Variants in DCTN6 observed in about 807,000 individuals in gnomAD.
DCTN6 encodes the protein dynactin subunit 6, also known as dynactin 6.
Under a neutral mutation model 25.8 loss-of-function variants are expected in DCTN6, and 15 were observed. The ratio of observed to expected loss-of-function variants is 0.58; its 90% CI spans 0.39 to 0.89. The LOEUF (loss-of-function observed/expected upper bound fraction) is 0.89. DCTN6 is among the 40% of genes least tolerant of loss of function. DCTN6 has a pLI of 0.00. For synonymous variants in DCTN6, 64 were observed against 78.3 expected (o/e 0.82, Z 0.96); for missense variants, 198 against 237.6 (o/e 0.83, Z 1.09).
intron 2 of DCTN6, among the ~76,000 whole-genome samples, chr8:30,172,143 T>C (rs1222581880): frequency 6.6e-6 from 1 of 152,192 alleles, no homozygotes; most frequent in Non-Finnish European, 1.5e-5. Flanking sequence ...TTAAAAGAAA[T>C]CCACTGCTCA....
At chr8:30,179,547 GTGT>G in intron 5 of DCTN6, 92 bp downstream of exon 5, 1 of 1,173,684 alleles carries the variant, frequency 8.5e-7, no homozygotes, top group East Asian at 2.6e-5. Flanking sequence ...CTGTGGCAAG[GTGT>G]TGTGCTTGGA....
intron 1 of DCTN6, among the ~76,000 whole-genome samples, chr8:30,157,781 A>G (rs925361045): frequency 1.3e-5 from 2 of 152,144 alleles, no homozygotes; most frequent in African/African-American, 4.8e-5. Flanking sequence ...CCCTCTGCTG[A>G]CTATTTTTGA....
At chr8:30,180,849 T>C in intron 6 of DCTN6, 1 of 579,298 alleles carries the variant, frequency 1.7e-6, no homozygotes, top group Non-Finnish European at 3.0e-6. Flanking sequence ...CTGGGCAACA[T>C]AGTGAGACTC....
At chr8:30,163,699 CTT>C (rs201907906) in intron 1 of DCTN6, among the ~76,000 whole-genome samples, 13 of 137,678 alleles carry the variant, frequency 9.4e-5, no homozygotes, top group East Asian at 4.3e-4. Flanking sequence ...ATTTTTCCAT[CTT>C]TTTTTTTTTT....
rs951734103 is a variant in DCTN6 at position 30,183,412 on chromosome 8, T to G, written c.*239T>G. The G allele has an allele frequency of 1.2e-5, 4 of 324,926 alleles. No individual in the cohort carries two copies. The highest frequency in any genetic ancestry group is 2.2e-5 in the Non-Finnish European group (4 of 178,816). The allele number at this position is 324,926 out of a possible 1,614,324, so 20.1% of individuals were successfully genotyped here. A position where few individuals can be genotyped will look rare whatever the true frequency, so the allele number is the denominator to read the frequency against. ...GATAATTTACAGATTTAGCTTTTCT[T>G]TTGTTATATAAACTGCTAGCCACAA... On this transcript the variant is annotated 3_prime_UTR_variant, in exon 7 of 7. Transcript: ENST00000221114.
intron 1 of DCTN6, among the ~76,000 whole-genome samples, chr8:30,159,380 G>A (rs879458184): frequency 1.3e-5 from 2 of 151,962 alleles, no homozygotes; most frequent in Admixed American, 6.6e-5. Context: ...CACACCAGTA[G>A]GGAAGTTGGT....
At chr8:30,178,419 C>T (rs541460852) in intron 4 of DCTN6, among the ~76,000 whole-genome samples, 23 of 148,876 alleles carry the variant, frequency 1.5e-4, no homozygotes, top group Non-Finnish European at 2.7e-4. Flanking sequence ...GCTGAGATCG[C>T]GCCATTGCAC....
intron 2 of DCTN6, among the ~76,000 whole-genome samples, chr8:30,169,020 G>A (rs571148665): frequency 2.7e-4 from 41 of 152,228 alleles, no homozygotes; most frequent in Non-Finnish European, 5.3e-4. Flanking sequence ...ATTACAGGGC[G>A]AGAGGCCGGG....
intron 2 of DCTN6, among the ~76,000 whole-genome samples, chr8:30,173,682 A>G (rs551446883): frequency 6.7e-6 from 1 of 149,924 alleles, no homozygotes; most frequent in African/African-American, 2.5e-5. Flanking sequence ...GGGAGTTATG[A>G]TCACACTACT....
chr8:30,171,961 A>G (rs1222048928), intron 2 of DCTN6, among the ~76,000 whole-genome samples: 1 of 152,030 alleles, frequency 6.6e-6, no homozygotes, highest in Non-Finnish European at 1.5e-5. Flanking sequence ...CGGTGTCTAG[A>G]CTCTCTAGAC....
At chr8:30,156,711 G>C (rs902077495) in intron 1 of DCTN6, among the ~76,000 whole-genome samples, 3 of 152,174 alleles carry the variant, frequency 2.0e-5, no homozygotes, top group Admixed American at 6.5e-5. Flanking sequence ...AGGGGAGGGT[G>C]ACGTCAGCTT....
At chr8:30,183,054 T>C (rs756130915) in intron 6 of DCTN6, 21 bp from the exon 7 acceptor site, 1 of 1,611,846 alleles carries the variant, frequency 6.2e-7, no homozygotes, top group African/African-American at 1.3e-5. Flanking sequence ...CCAATCGGCC[T>C]TAATTACCTT....
intron 6 of DCTN6, among the ~76,000 whole-genome samples, chr8:30,181,730 A>G (rs534117220): frequency 1.3e-5 from 2 of 152,160 alleles, no homozygotes; most frequent in Non-Finnish European, 2.9e-5. Flanking sequence ...TCTACAAAAA[A>G]TAAAAAATAA....
At chr8:30,163,280 A>G (rs1037107611) in intron 1 of DCTN6, among the ~76,000 whole-genome samples, 5 of 152,082 alleles carry the variant, frequency 3.3e-5, no homozygotes, top group Non-Finnish European at 7.4e-5. Context: ...CTGGGCAACA[A>G]GAGTGAAACT....
intron 3 of DCTN6, 59 bp downstream of exon 3, chr8:30,175,249 C>G (rs1269864829): frequency 6.8e-7 from 1 of 1,471,708 alleles, no homozygotes; most frequent in African/African-American, 1.4e-5. Flanking sequence ...TTCTTAATTT[C>G]AGCTGTCTGT....
At chr8:30,182,069 A>C (rs1373426701) in intron 6 of DCTN6, among the ~76,000 whole-genome samples, 1 of 152,184 alleles carries the variant, frequency 6.6e-6, no homozygotes, top group Non-Finnish European at 1.5e-5. Context: ...CATTTGTTTT[A>C]CTTTCTACAT....
At chr8:30,174,880 A>G (rs748242157) in intron 2 of DCTN6, among the ~76,000 whole-genome samples, 2 of 152,132 alleles carry the variant, frequency 1.3e-5, no homozygotes, top group Non-Finnish European at 2.9e-5. Flanking sequence ...TGCCTGTGCC[A>G]TTCCACTCAC....
chr8:30,175,003 T>C, intron 2 of DCTN6, 82 bp from the exon 3 acceptor site: 1 of 1,312,556 alleles, frequency 7.6e-7, no homozygotes, highest in Non-Finnish European at 1.1e-6. Flanking sequence ...CCCAACAGCC[T>C]CACCCATCCT....
At chr8:30,170,472 C>G (rs936161466) in intron 2 of DCTN6, among the ~76,000 whole-genome samples, 1 of 152,176 alleles carries the variant, frequency 6.6e-6, no homozygotes, top group Admixed American at 6.5e-5. Flanking sequence ...CTCTCCCTCT[C>G]TGGACACAGC....
Sources: gnomAD v4.1 joint callset for allele counts (sites outside exome capture counted in the v4.1 genomes callset) on GRCh38, gnomAD v4.1.1 for gene constraint, MANE v1.5 for transcripts, NCBI Gene and HGNC (gene_info 2026-07-23, HGNC 2026-07-21) for gene names.